The following PCDHA12 variants were observed in gnomAD, a reference collection of about 807,000 sequenced individuals.
PCDHA12 encodes protocadherin alpha-12.
PCDHA12 carries 44 observed loss-of-function variants against 60.0 expected under a neutral mutation model. The ratio of observed to expected loss-of-function variants is 0.73; its 90% CI spans 0.58 to 0.94. The LOEUF (loss-of-function observed/expected upper bound fraction) is 0.94, where lower values mean the gene tolerates loss of function less well. Ranked by LOEUF, PCDHA12 falls within the 40% of genes least tolerant of loss-of-function variation. PCDHA12 has a pLI of 0.00. For synonymous variants in PCDHA12, 569 were observed against 553.0 expected, an observed-to-expected ratio of 1.03 and a Z score of -0.40; for missense variants, 1,276 against 1,239.7, an observed-to-expected ratio of 1.03 and a Z score of -0.44.
rs546348432 is a variant in PCDHA12, at chr5:141,012,203, T to G, written c.*2266T>G. ...TTATAATGTATCTGTACAGCACTTTTTACATTTGCGAAGTGCTTTCCAATC... is the reference window on the plus strand; with the variant it reads ...TTATAATGTATCTGTACAGCACTTTGTACATTTGCGAAGTGCTTTCCAATC... On this transcript the variant is annotated 3_prime_UTR_variant, in exon 4 of 4. Transcript: ENST00000398631. 2.0e-5 allele frequency: 3 copies of G among 153,792 alleles called. No individual in the cohort carries two copies. The highest frequency in any genetic ancestry group is 4.4e-5 in the Non-Finnish European group (3 of 68,050). The allele number at this position is 153,792 out of a possible 1,614,324, so 9.5% of individuals were successfully genotyped here.
At chr5:140,912,200 T>C (rs191284675) in intron 1 of PCDHA12, among the ~76,000 whole-genome samples, 123 of 152,280 alleles carry the variant, frequency 8.1e-4, no homozygotes, top group African/African-American at 2.8e-3. Flanking sequence ...CCCACCCAGA[T>C]TGAGGGTAGA....
At chr5:140,884,461 G>C in intron 1 of PCDHA12, 3 of 1,613,764 alleles carry the variant, frequency 1.9e-6, no homozygotes, top group Non-Finnish European at 2.5e-6. Context: ...CCGAGGGCGC[G>C]TGCGCGCCGG....
intron 3 of PCDHA12, among the ~76,000 whole-genome samples, chr5:141,003,070 G>A (rs1588007737): frequency 6.6e-6 from 1 of 152,232 alleles, no homozygotes; most frequent in South Asian, 2.1e-4. Flanking sequence ...AAATGCAGAT[G>A]AGGGTGAGTT....
intron 1 of PCDHA12, among the ~76,000 whole-genome samples, chr5:140,912,045 C>T (rs1276989293): frequency 2.0e-5 from 3 of 152,196 alleles, no homozygotes; most frequent in African/African-American, 4.8e-5. Flanking sequence ...AGTCCCAAAG[C>T]TGAAGAACTT....
In PCDHA12 at chr5:140,883,010, A is replaced by G. The variant is rs149814661; in HGVS notation, c.2367+5171A>G. 9.8e-4 allele frequency: 1,586 copies of G among 1,614,156 alleles called. 2 individuals carry two copies. The highest frequency in any genetic ancestry group is 1.3e-3 in the Non-Finnish European group (1,478 of 1,180,036). ...CCCGGAATTTTACCAATCCGTTTAT[A>G]AAGTGACGGTGTTAGAGAACGCCTT... On this transcript the variant is annotated intron_variant, in intron 1 of 3. Coordinates refer to ENST00000398631, the MANE Select transcript of PCDHA12 (RefSeq NM_018903.4).
At chr5:140,939,253 G>C (rs1399135372) in intron 1 of PCDHA12, among the ~76,000 whole-genome samples, 2 of 152,060 alleles carry the variant, frequency 1.3e-5, no homozygotes, top group African/African-American at 4.8e-5. Context: ...TAGCTCTCTG[G>C]AACCTCTTTT....
intron 3 of PCDHA12, among the ~76,000 whole-genome samples, chr5:141,000,522 G>A (rs1294045842): frequency 4.2e-5 from 6 of 143,688 alleles, no homozygotes; most frequent in African/African-American, 1.6e-4. Context: ...CCTTCTCCAG[G>A]GTTCAAGTGA....
At chr5:140,975,045 A>G (rs1249490997) in intron 1 of PCDHA12, among the ~76,000 whole-genome samples, 1 of 152,112 alleles carries the variant, frequency 6.6e-6, no homozygotes, top group Non-Finnish European at 1.5e-5. Context: ...GGCTCTTAGG[A>G]AGAATCTACT....
Position 140,876,841 on chromosome 5 carries a change from CA to C in PCDHA12, c.1370del (p.Gln457ArgfsTer8). The C allele has an allele frequency of 6.2e-7, 1 of 1,614,130 alleles. No homozygotes were observed. Among genetic ancestry groups the C allele is most frequent in the South Asian group, 1.1e-5 (1 of 91,078 alleles). On this transcript the variant is annotated frameshift_variant, in exon 1 of 4. Transcript: ENST00000398631. LOFTEE classifies it high-confidence loss of function. ...DVNDNAPAFAQPEYTVFVKEN... is the reference protein window; with the variant it reads ...DVNDNAPAFAXPEYTVFVKEN... ...GAACGACAATGCGCCTGCGTTCGCG[CA>C]GCCCGAGTACACAGTGTTCGTGAAG...
intron 1 of PCDHA12, among the ~76,000 whole-genome samples, chr5:140,931,490 C>T (rs1209591038): frequency 6.6e-6 from 1 of 151,888 alleles, no homozygotes; most frequent in Non-Finnish European, 1.5e-5. Flanking sequence ...ACCCTTCAAA[C>T]CAAATTTTTA....
intron 1 of PCDHA12, among the ~76,000 whole-genome samples, chr5:140,914,601 T>G (rs190275610): frequency 1.8e-4 from 27 of 152,294 alleles, no homozygotes; most frequent in Non-Finnish European, 3.7e-4. Context: ...AGGAACTTCC[T>G]CCTGCCATTT....
At chr5:140,996,596 C>T (rs1343501273) in intron 3 of PCDHA12, among the ~76,000 whole-genome samples, 1 of 152,156 alleles carries the variant, frequency 6.6e-6, no homozygotes, top group Non-Finnish European at 1.5e-5. Flanking sequence ...CCGCCTCCCC[C>T]CATTTTCATT....
intron 1 of PCDHA12, chr5:140,969,215 C>A (rs782320507): frequency 6.2e-7 from 1 of 1,614,010 alleles, no homozygotes; most frequent in Admixed American, 1.7e-5. Context: ...CCAGACAGGA[C>A]CAGGGCCTTC....
chr5:140,924,318 G>C (rs550515387), intron 1 of PCDHA12, among the ~76,000 whole-genome samples: 71 of 152,282 alleles, frequency 4.7e-4, no homozygotes, highest in African/African-American at 1.3e-3. Context: ...AATTTTATCT[G>C]AGACTTGGTG....
chr5:140,959,578 A>G (rs1554224156), intron 1 of PCDHA12, among the ~76,000 whole-genome samples: 1 of 152,188 alleles, frequency 6.6e-6, no homozygotes, highest in Non-Finnish European at 1.5e-5. Flanking sequence ...TTTTGTTTCA[A>G]TTCTATCAGC....
intron 1 of PCDHA12, among the ~76,000 whole-genome samples, chr5:140,944,151 A>G (rs2093615419): frequency 6.6e-6 from 1 of 152,070 alleles, no homozygotes; most frequent in African/African-American, 2.4e-5. Flanking sequence ...GAAGAGTTGA[A>G]AATTAAAGGG....
intron 1 of PCDHA12, among the ~76,000 whole-genome samples, chr5:140,919,697 A>G (rs1395748776): frequency 1.3e-5 from 2 of 152,188 alleles, no homozygotes; most frequent in Non-Finnish European, 2.9e-5. Flanking sequence ...GATTTATATT[A>G]ACTTAATTCT....
At chr5:140,999,114 T>C (rs2097847387) in intron 3 of PCDHA12, among the ~76,000 whole-genome samples, 2 of 152,180 alleles carry the variant, frequency 1.3e-5, no homozygotes, top group Non-Finnish European at 2.9e-5. Context: ...CTAGCAACCA[T>C]TTCTAAGCTG....
intron 1 of PCDHA12, among the ~76,000 whole-genome samples, chr5:140,899,663 C>T (rs1583349850): frequency 1.3e-5 from 2 of 152,176 alleles, no homozygotes; most frequent in African/African-American, 4.8e-5. Flanking sequence ...TGTCTCTGCC[C>T]GGCTTTGGTA....
Sources: allele counts gnomAD v4.1 joint callset (sites outside exome capture counted in the v4.1 genomes callset), GRCh38; gene constraint gnomAD v4.1.1; transcripts MANE v1.5; gene names NCBI Gene and HGNC (gene_info 2026-07-23, HGNC 2026-07-21).